The following GUCY1B1 variants were observed in gnomAD, a reference collection of about 807,000 sequenced individuals.
The protein encoded by GUCY1B1 is guanylate cyclase 1 soluble subunit beta 1.
GUCY1B1 carries 43 observed loss-of-function variants against 71.0 expected under a neutral mutation model. The ratio of observed to expected loss-of-function variants is 0.61; its 90% CI spans 0.47 to 0.78. GUCY1B1 has a LOEUF of 0.78. Among genes scored for constraint, GUCY1B1 ranks in the 30% least tolerant of loss-of-function variants. GUCY1B1 has a pLI of 0.00. For missense variants in GUCY1B1, 535 were observed against 754.1 expected (o/e 0.71, Z 3.40); for synonymous variants, 266 against 259.7 (o/e 1.02, Z -0.23).
rs1260031228 is a variant in GUCY1B1, at chr4:155,773,849, G to A, written c.78-1119G>A. ...ACTACAGGCACCCGCCACCACGCCA[G>A]GCTAATTTTTTGTATTTTTAGCAGA... On this transcript the variant is annotated intron_variant, in intron 2 of 13. Transcript: ENST00000264424. Among the ~76,000 whole-genome samples the A allele has an allele frequency of 2.6e-5, 4 of 152,180 alleles. No homozygotes were observed. The East Asian group carries it at 7.7e-4, about 29-fold the overall frequency.
At chr4:155,759,459 G>A in intron 1 of GUCY1B1, 1 of 517,814 alleles carries the variant, frequency 1.9e-6, no homozygotes. Flanking sequence ...AGTGTGGGAG[G>A]CTGAGCGCCA....
chr4:155,768,456 G>GTTTTTTTTTTTT (rs35462860), intron 2 of GUCY1B1, among the ~76,000 whole-genome samples: 4 of 128,610 alleles, frequency 3.1e-5, no homozygotes, highest in Non-Finnish European at 6.6e-5. Context: ...TTACTTGTTT[G>GTTTTTTTTTTTT]TTTTTTTTTT....
rs1740397128 is a variant in GUCY1B1, at chr4:155,807,525, C to T, written c.*1116C>T. The T allele has an allele frequency of 6.6e-6, 1 of 151,916 alleles. No homozygotes were observed. Among genetic ancestry groups the T allele is most frequent in the Non-Finnish European group, 1.5e-5 (1 of 67,990 alleles). 9.4% of individuals were successfully genotyped at this position (151,916 alleles called of 1,614,324 possible). Reference sequence around the variant, plus strand: ...AATTTAGTATTTCATATCAGCACATCGATATATGTATAAATGTTCCATGTT... The same window carrying T: ...AATTTAGTATTTCATATCAGCACATTGATATATGTATAAATGTTCCATGTT... On this transcript the variant is annotated 3_prime_UTR_variant, in exon 14 of 14. Coordinates refer to ENST00000264424, the MANE Select transcript of GUCY1B1 (RefSeq NM_000857.5).
intron 4 of GUCY1B1, among the ~76,000 whole-genome samples, chr4:155,788,111 A>G (rs982019048): frequency 3.3e-5 from 5 of 152,112 alleles, no homozygotes; most frequent in African/African-American, 1.2e-4. Flanking sequence ...TTATTACCCT[A>G]TGGTTTCATA....
At chr4:155,769,332 A>G (rs1303570855) in intron 2 of GUCY1B1, among the ~76,000 whole-genome samples, 1 of 152,162 alleles carries the variant, frequency 6.6e-6, no homozygotes. Flanking sequence ...GATGAAATCA[A>G]GGGAGTTTCT....
intron 2 of GUCY1B1, among the ~76,000 whole-genome samples, chr4:155,766,358 T>C (rs943152397): frequency 6.6e-6 from 1 of 152,214 alleles, no homozygotes; most frequent in Non-Finnish European, 1.5e-5. Flanking sequence ...CATGTTTTGA[T>C]GTACATATAC....
At position 155,794,080 on chromosome 4, in the gene GUCY1B1, C is replaced by G; in HGVS notation, c.720C>G (p.Leu240=). The G allele has an allele frequency of 1.3e-6, 2 of 1,565,304 alleles. No homozygotes were observed. Among genetic ancestry groups the G allele is most frequent in the East Asian group, 2.2e-5 (1 of 44,600 alleles). ...TQCGNAIYRV[L]PQLQPGNCSL... Reference sequence around the variant, plus strand: ...GTGGCAATGCTATATACAGAGTTCTCCCCCAGGTAAAATGACAGCATACTT... The same window carrying G: ...GTGGCAATGCTATATACAGAGTTCTGCCCCAGGTAAAATGACAGCATACTT... The change falls in exon 6 of 14, where the codon CTC becomes CTG. Residue 240 remains leucine (L), a synonymous_variant. Coordinates refer to ENST00000264424, the MANE Select transcript of GUCY1B1 (RefSeq NM_000857.5).
chr4:155,783,318 C>T (rs1187595854), intron 4 of GUCY1B1, among the ~76,000 whole-genome samples: 1 of 152,164 alleles, frequency 6.6e-6, no homozygotes, highest in Non-Finnish European at 1.5e-5. Flanking sequence ...TTTACCTCCC[C>T]TACAAATTTA....
intron 13 of GUCY1B1, 81 bp downstream of exon 13, chr4:155,805,310 A>G (rs2111186222): frequency 8.7e-7 from 1 of 1,149,140 alleles, no homozygotes; most frequent in East Asian, 2.6e-5. Context: ...CTGAAAATGT[A>G]TTTCATTTGA....
At position 155,806,685 on chromosome 4, in the gene GUCY1B1, C is replaced by T; in HGVS notation, c.*276C>T. The T allele has an allele frequency of 2.7e-6, 1 of 376,638 alleles. No homozygotes were observed. The highest frequency in any genetic ancestry group is 4.7e-6 in the Non-Finnish European group (1 of 210,708). The allele number at this position is 376,638 out of a possible 1,614,324, so 23.3% of individuals were successfully genotyped here. A position where few individuals can be genotyped will look rare whatever the true frequency, so the allele number is the denominator to read the frequency against. On this transcript the variant is annotated 3_prime_UTR_variant, in exon 14 of 14. Coordinates refer to ENST00000264424, the MANE Select transcript of GUCY1B1 (RefSeq NM_000857.5). ...GTCTTAAAATCTACTACAAGCATTA[C>T]CTAACATGGTGATCTGCAAGTAGTA...
At chr4:155,776,968 C>T (rs955378570) in intron 3 of GUCY1B1, among the ~76,000 whole-genome samples, 1 of 151,984 alleles carries the variant, frequency 6.6e-6, no homozygotes, top group Non-Finnish European at 1.5e-5. Context: ...AGTGTTTAGG[C>T]TTTCAGATTT....
chr4:155,793,854 A>G lies in GUCY1B1; in HGVS notation c.496-2A>G, dbSNP rs776286450. 3 of 1,296,160 alleles carry G rather than the reference A, an allele frequency of 2.3e-6. No individual in the cohort carries two copies. The highest frequency in any genetic ancestry group is 3.4e-6 in the Non-Finnish European group (3 of 891,002). 80.3% of individuals were successfully genotyped at this position (1,296,160 alleles called of 1,614,324 possible). A position where few individuals can be genotyped will look rare whatever the true frequency, so the allele number is the denominator to read the frequency against. On this transcript the variant is annotated splice_acceptor_variant, in intron 5 of 13. Transcript: ENST00000264424. LOFTEE classifies it high-confidence loss of function. Reference sequence around the variant, plus strand: ...CATGCCATTTCCCCCTTTGATATCCAGGTTATTCAGCAAAGAAATGAAGAA... The same window carrying G: ...CATGCCATTTCCCCCTTTGATATCCGGGTTATTCAGCAAAGAAATGAAGAA...
rs970344795 is a variant in GUCY1B1 at position 155,806,490 on chromosome 4, T to C, written c.*81T>C. 1 of 875,912 alleles carries C rather than the reference T, an allele frequency of 1.1e-6. No individual in the cohort carries two copies. Among genetic ancestry groups the C allele is most frequent in the Non-Finnish European group, 1.9e-6 (1 of 523,186 alleles). The allele number at this position is 875,912 out of a possible 1,614,324, so 54.3% of individuals were successfully genotyped here. On this transcript the variant is annotated 3_prime_UTR_variant, in exon 14 of 14. Transcript: ENST00000264424. The stretch of plus-strand genomic sequence containing the variant: ...ACGTGCCAAGCCCAGGAGCAGTTCT[T>C]CCCTATGGATACAGATTTTCTTTTG...
intron 2 of GUCY1B1, among the ~76,000 whole-genome samples, chr4:155,771,250 T>C (rs1429998505): frequency 6.6e-6 from 1 of 152,182 alleles, no homozygotes; most frequent in African/African-American, 2.4e-5. Flanking sequence ...TCTATTTCAG[T>C]CCCCACTGGG....
At chr4:155,778,209 T>C (rs1223552268) in intron 4 of GUCY1B1, among the ~76,000 whole-genome samples, 2 of 152,170 alleles carry the variant, frequency 1.3e-5, no homozygotes, top group African/African-American at 4.8e-5. Context: ...CCAAAGTCAG[T>C]TTCAGGTGAA....
chr4:155,798,615 G>T (rs1245552978), intron 8 of GUCY1B1, among the ~76,000 whole-genome samples: 2 of 151,980 alleles, frequency 1.3e-5, no homozygotes, highest in Admixed American at 1.3e-4. Context: ...AGAATATATT[G>T]CATTAATCCA....
At chr4:155,775,773 T>C (rs546278056) in intron 3 of GUCY1B1, among the ~76,000 whole-genome samples, 162 of 151,872 alleles carry the variant, frequency 1.1e-3, no homozygotes, top group African/African-American at 3.7e-3. Flanking sequence ...AAAAGAAACA[T>C]GAAACTGAGA....
intron 5 of GUCY1B1, among the ~76,000 whole-genome samples, chr4:155,793,400 G>T (rs1739316930): frequency 6.6e-6 from 1 of 152,162 alleles, no homozygotes; most frequent in Non-Finnish European, 1.5e-5. Flanking sequence ...TTATGTATTT[G>T]ATAGTTGATG....
chr4:155,803,689 A>G lies in GUCY1B1; in HGVS notation c.1479A>G (p.Ala493=), dbSNP rs759833348. Residue 493 remains alanine, a synonymous_variant, in exon 11 of 14, where the codon GCA becomes GCG. Coordinates refer to ENST00000264424, the MANE Select transcript of GUCY1B1 (RefSeq NM_000857.5). Reference sequence around the variant, plus strand: ...TACCAGAGCCATGCATTCACCATGCACGATCCATCTGCCACCTGGCCTTGG... The same window carrying G: ...TACCAGAGCCATGCATTCACCATGCGCGATCCATCTGCCACCTGGCCTTGG... The part of the protein sequence containing the change: ...SGLPEPCIHH[A]RSICHLALDM... The G allele has an allele frequency of 2.5e-6, 4 of 1,605,240 alleles. No homozygotes were observed. The highest frequency in any genetic ancestry group is 1.7e-5 in the Admixed American group (1 of 58,958).
Sources: allele counts gnomAD v4.1 joint callset (sites outside exome capture counted in the v4.1 genomes callset), GRCh38; gene constraint gnomAD v4.1.1; transcripts MANE v1.5; gene names NCBI Gene and HGNC (gene_info 2026-07-23, HGNC 2026-07-21).